Variants in GALNTL6 observed in about 807,000 individuals in gnomAD.
The protein encoded by GALNTL6 is polypeptide N-acetylgalactosaminyltransferase like 6.
In GALNTL6, 46 loss-of-function variants were observed where a neutral mutation model predicts 73.7. The observed-to-expected ratio is 0.62, with a 90% CI of 0.49 to 0.80. The LOEUF (loss-of-function observed/expected upper bound fraction) is 0.80. GALNTL6 is among the 30% of genes least tolerant of loss of function. The pLI is 0.00. For synonymous variants in GALNTL6, 259 were observed against 263.7 expected, an observed-to-expected ratio of 0.98 and a Z score of 0.17; for missense variants, 604 against 755.0, an observed-to-expected ratio of 0.80 and a Z score of 2.34.
intron 7 of GALNTL6, among the ~76,000 whole-genome samples, chr4:172,830,313 T>C (rs1742553672): frequency 6.6e-6 from 1 of 152,208 alleles, no homozygotes; most frequent in African/African-American, 2.4e-5. Flanking sequence ...TTTAGAAAGA[T>C]TCTATTTTTA....
intron 2 of GALNTL6, among the ~76,000 whole-genome samples, chr4:172,150,942 G>C (rs751980460): frequency 6.6e-6 from 1 of 152,152 alleles, no homozygotes; most frequent in Non-Finnish European, 1.5e-5. Flanking sequence ...ATAAAGTTCT[G>C]ATTCCATAAA....
intron 2 of GALNTL6, among the ~76,000 whole-genome samples, chr4:171,851,545 C>T (rs547252334): frequency 7.2e-5 from 11 of 152,146 alleles, no homozygotes; most frequent in Non-Finnish European, 1.3e-4. Context: ...ATAACACTCT[C>T]AGATAGCTCT....
chr4:172,671,038 T>A (rs1006115746), intron 5 of GALNTL6, among the ~76,000 whole-genome samples: 3 of 152,186 alleles, frequency 2.0e-5, no homozygotes, highest in Admixed American at 2.0e-4. Context: ...TACCATGTGG[T>A]TTTGGTTACT....
In GALNTL6 at chr4:172,035,966, TTTATG is replaced by T. The variant is rs146569536; in HGVS notation, c.139-193688_139-193684del. The stretch of plus-strand genomic sequence containing the variant: ...TGAAAATTACAAAGCTATAAAATCT[TTTATG>T]TAACAGTAAGACATTTGTAAATCTT... On this transcript the variant is annotated intron_variant, in intron 2 of 12. Coordinates refer to ENST00000506823, the MANE Select transcript of GALNTL6 (RefSeq NM_001034845.3). 7.6e-3 allele frequency among the ~76,000 whole-genome samples: 1,159 copies of T among 152,268 alleles called. 16 individuals carry two copies. The highest frequency in any genetic ancestry group is 0.027 in the African/African-American group (1,103 of 41,576).
At chr4:172,828,790 G>A (rs1742424656) in intron 7 of GALNTL6, among the ~76,000 whole-genome samples, 1 of 152,156 alleles carries the variant, frequency 6.6e-6, no homozygotes, top group Non-Finnish European at 1.5e-5. Context: ...GCAATCTGGA[G>A]GAGAAAGTCA....
chr4:172,369,403 G>T (rs1276612579), intron 5 of GALNTL6, among the ~76,000 whole-genome samples: 2 of 152,212 alleles, frequency 1.3e-5, no homozygotes, highest in East Asian at 1.9e-4. Flanking sequence ...CAACTCAGGA[G>T]CCCAGCTGGC....
At chr4:172,244,585 T>C (rs35617998) in intron 3 of GALNTL6, among the ~76,000 whole-genome samples, 172 of 152,278 alleles carry the variant, frequency 1.1e-3, no homozygotes, top group African/African-American at 3.9e-3. Flanking sequence ...TATTTGTTAA[T>C]TAAACTTCCT....
intron 5 of GALNTL6, among the ~76,000 whole-genome samples, chr4:172,499,983 G>A (rs1437344087): frequency 6.6e-6 from 1 of 151,986 alleles, no homozygotes; most frequent in Non-Finnish European, 1.5e-5. Context: ...AGAGGACAGA[G>A]GGAATACAAC....
intron 2 of GALNTL6, among the ~76,000 whole-genome samples, chr4:171,850,446 A>T (rs944185426): frequency 2.0e-5 from 3 of 152,170 alleles, no homozygotes; most frequent in African/African-American, 7.2e-5. Flanking sequence ...CAGGGGCTGG[A>T]GCGCAGTTAA....
chr4:172,676,844 G>A (rs910072278), intron 5 of GALNTL6, among the ~76,000 whole-genome samples: 24 of 152,306 alleles, frequency 1.6e-4, no homozygotes, highest in African/African-American at 5.3e-4. Flanking sequence ...GCTCTCAAAT[G>A]TGACCTTCAT....
At chr4:172,356,462 A>C (rs534289375) in intron 5 of GALNTL6, among the ~76,000 whole-genome samples, 256 of 152,208 alleles carry the variant, frequency 1.7e-3, no homozygotes, top group Non-Finnish European at 3.0e-3. Flanking sequence ...TACACAATGG[A>C]AAAAAGAAAA....
chr4:172,707,984 T>TGACTAAAG, intron 5 of GALNTL6, among the ~76,000 whole-genome samples: 2 of 152,260 alleles, frequency 1.3e-5, no homozygotes, highest in South Asian at 4.1e-4. Flanking sequence ...CAAAGAAACC[T>TGACTAAAG]GACTAAAGTT....
chr4:172,305,089 A>T (rs1018688243), intron 3 of GALNTL6, among the ~76,000 whole-genome samples: 1 of 152,120 alleles, frequency 6.6e-6, no homozygotes, highest in Non-Finnish European at 1.5e-5. Context: ...TAGGGGTTAT[A>T]CTATCCATAT....
At chr4:172,169,771 C>G (rs1734752704) in intron 2 of GALNTL6, among the ~76,000 whole-genome samples, 1 of 152,148 alleles carries the variant, frequency 6.6e-6, no homozygotes, top group African/African-American at 2.4e-5. Flanking sequence ...TTAGGAGATA[C>G]TAAAACACAG....
intron 5 of GALNTL6, among the ~76,000 whole-genome samples, chr4:172,382,839 AACCCATAAT>A (rs1743332482): frequency 6.6e-6 from 1 of 152,120 alleles, no homozygotes; most frequent in Non-Finnish European, 1.5e-5. Flanking sequence ...TATTCTTTTC[AACCCATAAT>A]TGGGTTGAAA....
chr4:171,877,690 G>A (rs544159576), intron 2 of GALNTL6, among the ~76,000 whole-genome samples: 1 of 151,310 alleles, frequency 6.6e-6, no homozygotes, highest in South Asian at 2.1e-4. Flanking sequence ...TGCCTTTTAA[G>A]TACTATGTTA....
At chr4:172,429,376 T>G (rs2111378543) in intron 5 of GALNTL6, among the ~76,000 whole-genome samples, 1 of 151,980 alleles carries the variant, frequency 6.6e-6, no homozygotes, top group Middle Eastern at 3.4e-3. Context: ...TACGCCTGGC[T>G]AATTTTTGTA....
chr4:172,134,898 A>G (rs1733596272), intron 2 of GALNTL6, among the ~76,000 whole-genome samples: 1 of 152,206 alleles, frequency 6.6e-6, no homozygotes, highest in Non-Finnish European at 1.5e-5. Flanking sequence ...AAAATGTCAC[A>G]AATGGCATGT....
At chr4:172,410,943 A>G (rs907735804) in intron 5 of GALNTL6, among the ~76,000 whole-genome samples, 12 of 152,148 alleles carry the variant, frequency 7.9e-5, no homozygotes, top group Non-Finnish European at 1.8e-4. Flanking sequence ...TTATGGAACT[A>G]AATAAATGCA....
Sources: gnomAD v4.1 joint callset for allele counts (sites outside exome capture counted in the v4.1 genomes callset) on GRCh38, gnomAD v4.1.1 for gene constraint, MANE v1.5 for transcripts, NCBI Gene and HGNC (gene_info 2026-07-23, HGNC 2026-07-21) for gene names.